Variants in SENP5 observed in about 807,000 individuals in gnomAD.
SENP5 encodes the protein SUMO specific peptidase 5.
Under a neutral mutation model 74.2 loss-of-function variants are expected in SENP5, and 21 were observed. The ratio of observed to expected loss-of-function variants is 0.28; its 90% CI spans 0.20 to 0.41. The LOEUF is 0.41. Among genes scored for constraint, SENP5 ranks in the 10% least tolerant of loss-of-function variants. The pLI is 1.00. For missense variants in SENP5, 717 were observed against 889.1 expected (o/e 0.81, Z 2.46); for synonymous variants, 311 against 312.7 (o/e 0.99, Z 0.06).
At chr3:196,889,170 C>CA (rs1714102352) in intron 2 of SENP5, among the ~76,000 whole-genome samples, 1 of 151,220 alleles carries the variant, frequency 6.6e-6, no homozygotes, top group Non-Finnish European at 1.5e-5. Flanking sequence ...TAGAAAGACA[C>CA]AAAGTACAGA....
At chr3:196,929,888 G>A (rs1002190040) in intron 9 of SENP5, among the ~76,000 whole-genome samples, 1 of 151,878 alleles carries the variant, frequency 6.6e-6, no homozygotes, top group African/African-American at 2.4e-5. Context: ...GGGATCAAGA[G>A]TGAAGTGTGG....
At chr3:196,894,456 AAAGTT>A (rs1355791160) in intron 2 of SENP5, among the ~76,000 whole-genome samples, 4 of 152,102 alleles carry the variant, frequency 2.6e-5, no homozygotes, top group East Asian at 1.9e-4. Context: ...GCTTTGGAAA[AAAGTT>A]AAGGTAGATC....
At chr3:196,875,781 G>A (rs1037107639) in intron 1 of SENP5, among the ~76,000 whole-genome samples, 1 of 151,942 alleles carries the variant, frequency 6.6e-6, no homozygotes, top group African/African-American at 2.4e-5. Flanking sequence ...CCAAACTAGA[G>A]TACAGTGGTG....
chr3:196,914,585 AAATATATATATAT>A (rs1715284151), intron 6 of SENP5: 1 of 92,506 alleles, frequency 1.1e-5, no homozygotes, highest in African/African-American at 4.7e-5. Context: ...AAAAAAAAAA[AAATATATATATAT>A]ATATATATAT....
intron 1 of SENP5, among the ~76,000 whole-genome samples, chr3:196,880,638 C>CTT (rs56188124): frequency 0.27 from 27,469 of 101,792 alleles, 4,254 homozygotes; most frequent in East Asian, 0.72. Context: ...GCCAGTTATT[C>CTT]TTTTTTTTTT....
intron 6 of SENP5, among the ~76,000 whole-genome samples, chr3:196,903,933 C>T (rs1714801267): frequency 6.6e-6 from 1 of 152,208 alleles, no homozygotes; most frequent in Non-Finnish European, 1.5e-5. Context: ...CACCTGTTGT[C>T]CCAGCTACTT....
chr3:196,931,212 T>A lies in SENP5; in HGVS notation c.*289T>A. On this transcript the variant is annotated 3_prime_UTR_variant, in exon 10 of 10. Coordinates refer to ENST00000323460, the MANE Select transcript of SENP5 (RefSeq NM_152699.5). ...AGACAGAGCATGCAGTGAAGAGTATTAAAAAAAAAAGCTTAGTAGATTTGG... is the reference window on the plus strand; with the variant it reads ...AGACAGAGCATGCAGTGAAGAGTATAAAAAAAAAAAGCTTAGTAGATTTGG... 1 of 229,758 alleles carries A rather than the reference T, an allele frequency of 4.4e-6. No individual in the cohort carries two copies. The allele number at this position is 229,758 out of a possible 1,614,324, so 14.2% of individuals were successfully genotyped here.
intron 1 of SENP5, among the ~76,000 whole-genome samples, chr3:196,883,118 A>G (rs1164004825): frequency 1.3e-5 from 2 of 148,470 alleles, no homozygotes; most frequent in East Asian, 4.0e-4. Flanking sequence ...TTTCCATTTT[A>G]CTCTTTTTTG....
intron 1 of SENP5, among the ~76,000 whole-genome samples, chr3:196,880,806 A>G (rs1035905482): frequency 3.7e-4 from 56 of 151,396 alleles, no homozygotes; most frequent in African/African-American, 1.3e-3. Context: ...GTGCCCGGCT[A>G]ATGTTTGTAT....
intron 1 of SENP5, among the ~76,000 whole-genome samples, chr3:196,868,922 A>G (rs1713075638): frequency 6.6e-6 from 1 of 150,796 alleles, no homozygotes; most frequent in African/African-American, 2.4e-5. Context: ...TAAGCTTGGT[A>G]TGGAAAAGGT....
chr3:196,910,312 A>G (rs1030276838), intron 6 of SENP5, among the ~76,000 whole-genome samples: 2 of 150,416 alleles, frequency 1.3e-5, no homozygotes, highest in Non-Finnish European at 3.0e-5. Context: ...TATCTTGAAA[A>G]TGGCCATACT....
chr3:196,907,369 G>T (rs1228037767), intron 6 of SENP5, among the ~76,000 whole-genome samples: 1 of 150,630 alleles, frequency 6.6e-6, no homozygotes, highest in Non-Finnish European at 1.5e-5. Context: ...ACTTACTCAG[G>T]AGACTGAACC....
chr3:196,877,469 G>A (rs909408669), intron 1 of SENP5, among the ~76,000 whole-genome samples: 13 of 152,228 alleles, frequency 8.5e-5, no homozygotes, highest in African/African-American at 2.9e-4. Flanking sequence ...ACAGGTGTGC[G>A]CCACCGTGCC....
chr3:196,899,914 T>C lies in SENP5; in HGVS notation c.1620-10T>C, dbSNP rs776783342. On this transcript the variant is annotated splice_polypyrimidine_tract_variant and intron_variant, in intron 3 of 9. Transcript: ENST00000323460. ...TTTTTACCTTTTGTTTCAAAATCTT[T>C]CTCTTTCAGAAAACCATTTATCAAT... 1.9e-6 allele frequency: 3 copies of C among 1,611,592 alleles called. No homozygotes were observed. The Admixed American group carries it at 5.1e-5, about 27-fold the overall frequency.
intron 1 of SENP5, among the ~76,000 whole-genome samples, chr3:196,869,299 G>C (rs1346636653): frequency 6.6e-6 from 1 of 151,838 alleles, no homozygotes; most frequent in Non-Finnish European, 1.5e-5. Context: ...CTCCTCCCAG[G>C]TTCAAGCGAT....
At chr3:196,872,318 C>T (rs1713251328) in intron 1 of SENP5, among the ~76,000 whole-genome samples, 1 of 152,196 alleles carries the variant, frequency 6.6e-6, no homozygotes, top group Non-Finnish European at 1.5e-5. Flanking sequence ...GTGAAGTTTG[C>T]TTTTAATTAC....
In SENP5 at chr3:196,931,146, G is replaced by A. The variant is rs772146043; in HGVS notation, c.*223G>A. The A allele has an allele frequency of 1.6e-5, 8 of 495,280 alleles. No homozygotes were observed. The highest frequency in any genetic ancestry group is 7.0e-5 in the East Asian group (2 of 28,568). 30.7% of individuals were successfully genotyped at this position (495,280 alleles called of 1,614,324 possible). A position where few individuals can be genotyped will look rare whatever the true frequency, so the allele number is the denominator to read the frequency against. ...CATTTTTAATTTTATGGTTCTGTGC[G>A]TCCCCCATATTTAATATTTATTATT... On this transcript the variant is annotated 3_prime_UTR_variant, in exon 10 of 10. Coordinates refer to ENST00000323460, the MANE Select transcript of SENP5 (RefSeq NM_152699.5).
Position 196,900,009 on chromosome 3 carries a change from C to T in SENP5, c.1705C>T (p.Leu569=). The T allele has an allele frequency of 1.9e-6, 3 of 1,614,082 alleles. No individual in the cohort carries two copies. Among genetic ancestry groups the T allele is most frequent in the South Asian group, 1.1e-5 (1 of 91,074 alleles). ...NFRIFYNKHM[L]DMDDLATLDG... ...CCGTATCTTCTATAATAAACACATG[C>T]TGGATATGGACGACCTGGCGACTCT... The change falls in exon 4 of 10, where the codon CTG becomes TTG. Residue 569 remains leucine, a synonymous_variant. Transcript: ENST00000323460.
chr3:196,917,449 T>C (rs1715428172), intron 6 of SENP5, among the ~76,000 whole-genome samples: 1 of 151,956 alleles, frequency 6.6e-6, no homozygotes, highest in Non-Finnish European at 1.5e-5. Flanking sequence ...GTATCAATAT[T>C]CAGGTACAAG....
Sources: allele counts gnomAD v4.1 joint callset (sites outside exome capture counted in the v4.1 genomes callset), GRCh38; gene constraint gnomAD v4.1.1; transcripts MANE v1.5; gene names NCBI Gene and HGNC (gene_info 2026-07-23, HGNC 2026-07-21).